Variants in DLGAP2 observed in about 807,000 individuals in gnomAD.
DLGAP2 encodes disks large-associated protein 2.
In DLGAP2, 26 loss-of-function variants were observed where a neutral mutation model predicts 100.3. The observed-to-expected ratio is 0.26, with a 90% CI of 0.19 to 0.36. The LOEUF (loss-of-function observed/expected upper bound fraction) is 0.36, where lower values mean the gene tolerates loss of function less well. Among genes scored for constraint, DLGAP2 ranks in the 10% least tolerant of loss-of-function variants. The pLI is 1.00. For synonymous variants in DLGAP2, 886 were observed against 630.1 expected (o/e 1.41, Z -6.08); for missense variants, 1,858 against 1,453.2 (o/e 1.28, Z -4.53).
Position 1,701,390 on chromosome 8 carries a change from C to T in DLGAP2, c.3152C>T (p.Ala1051Val). The T allele has an allele frequency of 1.3e-6, 2 of 1,593,860 alleles. No homozygotes were observed. The change falls in exon 15 of 15, where the codon GCC (alanine) becomes GTC (valine). Residue 1051 changes from alanine (A) to valine (V), a missense_variant. By Grantham distance (64) the Ala-to-Val change is moderately conservative. Transcript: ENST00000637795. ...AGCATCGAGATCTACATCCCCGAGG[C>T]CCAGACCCGGCTCTGAGGGCGGAGG... ...ADSIEIYIPEAQTRL is the reference protein window; with the variant it reads ...ADSIEIYIPEVQTRL
At chr8:1,438,139 G>A (rs1329063750) in intron 3 of DLGAP2, among the ~76,000 whole-genome samples, 1 of 152,172 alleles carries the variant, frequency 6.6e-6, no homozygotes, top group African/African-American at 2.4e-5. Context: ...GGAAGTGCCG[G>A]AGGAAGTGCT....
At chr8:892,705 G>C (rs1383445356) in intron 1 of DLGAP2, among the ~76,000 whole-genome samples, 1 of 152,180 alleles carries the variant, frequency 6.6e-6, no homozygotes, top group Non-Finnish European at 1.5e-5. Flanking sequence ...GAGAGGCGGG[G>C]GAGACCGGGA....
chr8:1,424,966 CAAT>C lies in DLGAP2; in HGVS notation c.107-76399_107-76397del, dbSNP rs375001449. The stretch of plus-strand genomic sequence containing the variant: ...GATATTGGCAGTGATGGCTGCACAA[CAAT>C]GAGAAAGTGCTTAATGCCACTGAAA... On this transcript the variant is annotated intron_variant, in intron 3 of 14. Coordinates refer to ENST00000637795, the MANE Select transcript of DLGAP2 (RefSeq NM_001346810.2). Among the ~76,000 whole-genome samples, 119 of 152,214 alleles carry C rather than the reference CAAT, an allele frequency of 7.8e-4. 1 individual carries two copies. Among genetic ancestry groups the C allele is most frequent in the African/African-American group, 2.7e-3 (112 of 41,544 alleles).
intron 2 of DLGAP2, among the ~76,000 whole-genome samples, chr8:1,222,902 G>A (rs906668481): frequency 6.6e-6 from 1 of 152,118 alleles, no homozygotes; most frequent in Non-Finnish European, 1.5e-5. Flanking sequence ...GGCCAGCCGT[G>A]CTCTCTCCTG....
chr8:1,547,968 A>C (rs1801599455), intron 4 of DLGAP2, among the ~76,000 whole-genome samples: 1 of 152,220 alleles, frequency 6.6e-6, no homozygotes, highest in South Asian at 2.1e-4. Flanking sequence ...GCTATTTTTA[A>C]AACTTCTTAA....
chr8:1,138,312 G>T lies in DLGAP2; in HGVS notation c.74-120539G>T, dbSNP rs546584724. On this transcript the variant is annotated intron_variant, in intron 2 of 14. Coordinates refer to ENST00000637795, the MANE Select transcript of DLGAP2 (RefSeq NM_001346810.2). ...TTGGGGAGGCCTGGGTGTCCTGTCT[G>T]CATGCCGATGAAGACCTCACAGGGG... 3.3e-5 allele frequency among the ~76,000 whole-genome samples: 5 copies of T among 152,332 alleles called. No homozygotes were observed. The South Asian group carries it at 1.0e-3, about 32-fold the overall frequency.
intron 8 of DLGAP2, among the ~76,000 whole-genome samples, chr8:1,642,744 A>C (rs374511134): frequency 1.1e-4 from 2 of 18,344 alleles, no homozygotes; most frequent in Admixed American, 5.3e-4. Flanking sequence ...TCACCCTCGA[A>C]CCCGCCGGCC....
At chr8:1,614,139 A>G (rs1430474631) in intron 6 of DLGAP2, among the ~76,000 whole-genome samples, 4 of 152,168 alleles carry the variant, frequency 2.6e-5, no homozygotes, top group South Asian at 2.1e-4. Context: ...CCCAGGGGAC[A>G]TGGTGGATCA....
intron 3 of DLGAP2, among the ~76,000 whole-genome samples, chr8:1,298,717 G>T (rs757014644): frequency 1.1e-4 from 17 of 152,194 alleles, no homozygotes; most frequent in Non-Finnish European, 2.2e-4. Flanking sequence ...TGCCAGAGGG[G>T]AACTAGAATG....
intron 2 of DLGAP2, among the ~76,000 whole-genome samples, chr8:1,050,366 A>G (rs1306003089): frequency 6.6e-6 from 1 of 152,202 alleles, no homozygotes; most frequent in Non-Finnish European, 1.5e-5. Context: ...CATGAGATAT[A>G]TATCCAACAC....
intron 2 of DLGAP2, among the ~76,000 whole-genome samples, chr8:1,246,174 G>A (rs1798897471): frequency 6.6e-6 from 1 of 152,108 alleles, no homozygotes; most frequent in Non-Finnish European, 1.5e-5. Context: ...ATAGCCCTTG[G>A]TCAAATTAAT....
intron 6 of DLGAP2, among the ~76,000 whole-genome samples, chr8:1,591,323 G>T (rs736236): frequency 6.6e-6 from 1 of 151,984 alleles, no homozygotes; most frequent in African/African-American, 2.4e-5. Context: ...CTGGCTCCAT[G>T]TGGGCCAGGT....
chr8:1,292,537 C>T (rs1005619345), intron 3 of DLGAP2, among the ~76,000 whole-genome samples: 4 of 152,126 alleles, frequency 2.6e-5, no homozygotes, highest in Admixed American at 6.5e-5. Context: ...CATTTTATAC[C>T]TTTGTTAATA....
At chr8:746,727 G>A (rs1160868022) in intron 1 of DLGAP2, among the ~76,000 whole-genome samples, 1 of 152,200 alleles carries the variant, frequency 6.6e-6, no homozygotes. Flanking sequence ...ATAATAGAAA[G>A]TCCCACACAA....
chr8:1,241,807 G>A (rs1798802676), intron 2 of DLGAP2, among the ~76,000 whole-genome samples: 1 of 151,866 alleles, frequency 6.6e-6, no homozygotes, highest in Non-Finnish European at 1.5e-5. Flanking sequence ...TTAAAGTTCA[G>A]CGGCAGGACA....
Position 1,701,763 on chromosome 8 carries a change from A to G in DLGAP2, c.*357A>G, listed in dbSNP as rs1585079619. The stretch of plus-strand genomic sequence containing the variant: ...CATTTTGTTATTTCTATTTTTATAA[A>G]TTGTGTGATAATTAGAGGTAAGAAT... On this transcript the variant is annotated 3_prime_UTR_variant, in exon 15 of 15. Transcript: ENST00000637795. 1 of 288,038 alleles carries G rather than the reference A, an allele frequency of 3.5e-6. No homozygotes were observed. The highest frequency in any genetic ancestry group is 6.6e-5 in the East Asian group (1 of 15,218). The allele number at this position is 288,038 out of a possible 1,614,324, so 17.8% of individuals were successfully genotyped here. A position where few individuals can be genotyped will look rare whatever the true frequency, so the allele number is the denominator to read the frequency against.
At chr8:1,177,284 C>G (rs539817207) in intron 2 of DLGAP2, among the ~76,000 whole-genome samples, 1 of 152,188 alleles carries the variant, frequency 6.6e-6, no homozygotes, top group Non-Finnish European at 1.5e-5. Context: ...ATTTATTTAT[C>G]TTTTCTCCGT....
intron 6 of DLGAP2, among the ~76,000 whole-genome samples, chr8:1,579,612 C>G (rs1052168101): frequency 5.3e-5 from 8 of 152,016 alleles, no homozygotes; most frequent in Admixed American, 2.0e-4. Context: ...ATGAATGACG[C>G]AGTGCAAAAA....
chr8:1,445,597 A>G (rs1366851401), intron 3 of DLGAP2, among the ~76,000 whole-genome samples: 5 of 152,196 alleles, frequency 3.3e-5, no homozygotes, highest in Admixed American at 6.5e-5. Flanking sequence ...TCCCTTGGGT[A>G]TATACCCAGT....
Sources: gnomAD v4.1 joint callset for allele counts (sites outside exome capture counted in the v4.1 genomes callset) on GRCh38, gnomAD v4.1.1 for gene constraint, MANE v1.5 for transcripts, NCBI Gene and HGNC (gene_info 2026-07-23, HGNC 2026-07-21) for gene names.